The following ABCC6 variants were observed in gnomAD, a reference collection of about 807,000 sequenced individuals.
ABCC6 encodes ATP-binding cassette sub-family C member 6.
In ABCC6, 126 loss-of-function variants were observed where a neutral mutation model predicts 169.5. That is an observed-to-expected ratio of 0.74 (90% CI 0.64 to 0.86). The LOEUF is 0.86. Ranked by LOEUF, ABCC6 falls within the 40% of genes least tolerant of loss-of-function variation. The probability of loss-of-function intolerance (pLI) is 0.00; values close to 1 mark genes in which losing one functional copy is unlikely to be tolerated. For synonymous variants in ABCC6, 752 were observed against 814.7 expected (o/e 0.92, Z 1.31); for missense variants, 1,733 against 1,927.2 (o/e 0.90, Z 1.89).
chr16:16,187,834 A>G (rs2047697838), intron 13 of ABCC6, among the ~76,000 whole-genome samples: 3 of 152,108 alleles, frequency 2.0e-5, no homozygotes, highest in Non-Finnish European at 2.9e-5. Context: ...GAGTTTGAGC[A>G]TGCAGTGAGC....
At chr16:16,182,266 C>A in intron 17 of ABCC6, 146 bp downstream of exon 17, 2 of 992,886 alleles carry the variant, frequency 2.0e-6, no homozygotes, top group Non-Finnish European at 3.2e-6. Context: ...CTAGCACGTG[C>A]TTGACGCTGA....
intron 16 of ABCC6, 70 bp from the exon 17 acceptor site, chr16:16,182,658 T>C: frequency 6.3e-6 from 10 of 1,577,104 alleles, no homozygotes; most frequent in East Asian, 2.3e-5. Context: ...TGAGGAGCAG[T>C]GGGAGCTGGG....
chr16:16,173,101 A>G (rs2152242881), intron 21 of ABCC6, 183 bp downstream of exon 21: 1 of 701,874 alleles, frequency 1.4e-6, no homozygotes, highest in South Asian at 1.9e-5. Context: ...AAATAGACCT[A>G]TCATATCTAT....
intron 6 of ABCC6, among the ~76,000 whole-genome samples, chr16:16,210,196 G>A (rs1158271662): frequency 1.3e-5 from 2 of 151,906 alleles, no homozygotes; most frequent in African/African-American, 2.4e-5. Context: ...GAGTGCACTG[G>A]TGTGATCTCG....
Position 16,199,632 on chromosome 16 carries a change from T to A in ABCC6, c.1177-1450A>T, listed in dbSNP as rs528377400. 1.3e-4 allele frequency among the ~76,000 whole-genome samples: 17 copies of A among 127,464 alleles called. 4 individuals carry two copies. The Admixed American group carries it at 1.4e-3, about 10-fold the overall frequency. The allele number at this position is 127,464 out of a possible 152,430, so 83.6% of individuals were successfully genotyped here. On this transcript the variant is annotated intron_variant, in intron 9 of 30. Coordinates refer to ENST00000205557, the MANE Select transcript of ABCC6 (RefSeq NM_001171.6). Reference sequence around the variant, plus strand: ...CAGGAATGACTGGACATAGAAATTCTCCACTTAGCAAGTCTTTGAAGAGTG... The same window carrying A: ...CAGGAATGACTGGACATAGAAATTCACCACTTAGCAAGTCTTTGAAGAGTG...
At chr16:16,153,565 A>G (rs568454616) in intron 29 of ABCC6, among the ~76,000 whole-genome samples, 155 of 152,228 alleles carry the variant, frequency 1.0e-3, no homozygotes, top group Non-Finnish European at 1.8e-3. Context: ...TCATGGGTAC[A>G]GAGTTGTAGT....
chr16:16,160,763 C>T (rs1244936130), intron 25 of ABCC6, among the ~76,000 whole-genome samples: 5 of 151,644 alleles, frequency 3.3e-5, no homozygotes, highest in East Asian at 1.9e-4. Context: ...CAAGATCATG[C>T]CACTGCACTC....
At chr16:16,185,113 C>A (rs1264408290) in intron 14 of ABCC6, 79 bp from the exon 15 acceptor site, 9 of 1,301,430 alleles carry the variant, frequency 6.9e-6, no homozygotes, top group Middle Eastern at 2.2e-4. Flanking sequence ...CAGGCACCAT[C>A]CCCCGCCCCC....
At chr16:16,208,207 C>G (rs1467350942) in intron 7 of ABCC6, among the ~76,000 whole-genome samples, 1 of 152,092 alleles carries the variant, frequency 6.6e-6, no homozygotes, top group African/African-American at 2.4e-5. Flanking sequence ...TTTGTAGGAA[C>G]CTGTGATGCG....
rs371480297 is a variant in ABCC6 at position 16,203,568 on chromosome 16, C to G, written c.840G>C (p.Met280Ile). The change falls in exon 8 of 31, where the codon ATG becomes ATC. Residue 280 changes from methionine (M) to isoleucine (I), a missense_variant. Around this residue, in one of 5 missense-constraint regions of ABCC6, gnomAD observed 1,601 missense variants for 1,635.5 expected, o/e 0.98. Transcript: ENST00000205557. ...GGAAGGGCTCGGTCTCTGGAGCCTT[C>G]ATGCCACTGCCGCCTTTCCTTTTAA... is the stretch of plus-strand genomic sequence containing the variant. Reference protein sequence around the residue: ...IAFKRKGGSGMKAPETEPFLR... With the variant: ...IAFKRKGGSGIKAPETEPFLR... 20 of 1,613,940 alleles carry G rather than the reference C, an allele frequency of 1.2e-5. No individual in the cohort carries two copies. The African/African-American group carries it at 2.1e-4, about 17-fold the overall frequency.
rs9940089 is a variant in ABCC6 at position 16,198,014 on chromosome 16, G to C, written c.1338+7C>G. 1,257,962 of 1,612,304 alleles carry C rather than the reference G, an allele frequency of 0.78. 492,567 individuals carry two copies. The highest frequency in any genetic ancestry group is 0.93 in the East Asian group (41,699 of 44,762). Reference sequence around the variant, plus strand: ...CGTTCAAATCCCGTCTTCCTCCTCTGGCATACCTGCCAGAGATAGACGAAG... The same window carrying C: ...CGTTCAAATCCCGTCTTCCTCCTCTCGCATACCTGCCAGAGATAGACGAAG... On this transcript the variant is annotated splice_region_variant and intron_variant, in intron 10 of 30. Transcript: ENST00000205557.
chr16:16,164,146 G>A (rs565527425), intron 23 of ABCC6, among the ~76,000 whole-genome samples: 5 of 152,134 alleles, frequency 3.3e-5, no homozygotes, highest in Middle Eastern at 3.4e-3. Context: ...CAATCCTCCC[G>A]CCTCATCCTC....
chr16:16,210,987 C>G (rs1481191731), intron 6 of ABCC6, among the ~76,000 whole-genome samples: 4 of 151,876 alleles, frequency 2.6e-5, no homozygotes, highest in African/African-American at 9.7e-5. Flanking sequence ...CCCAGCTGCT[C>G]GGGAGGCTGA....
intron 6 of ABCC6, among the ~76,000 whole-genome samples, chr16:16,209,978 G>A (rs1382046540): frequency 2.0e-5 from 3 of 152,024 alleles, no homozygotes; most frequent in Non-Finnish European, 4.4e-5. Context: ...TGATCTGTCA[G>A]GGTTGGCCTT....
chr16:16,184,934 G>A (rs2047599144), intron 15 of ABCC6, 25 bp downstream of exon 15: 12 of 1,602,056 alleles, frequency 7.5e-6, no homozygotes, highest in African/African-American at 1.3e-5. Context: ...ACATGAGGCT[G>A]GTTACTACGG....
At chr16:16,187,903 TAAATTAAATAAATAA>T (rs1221709567) in intron 13 of ABCC6, among the ~76,000 whole-genome samples, 4 of 81,998 alleles carry the variant, frequency 4.9e-5, no homozygotes, top group Non-Finnish European at 8.2e-5. Context: ...TCTCAATAAA[TAAATTAAATAAATAA>T]ATAAATAAAT....
intron 21 of ABCC6, among the ~76,000 whole-genome samples, chr16:16,171,450 T>C (rs2047063168): frequency 6.6e-6 from 1 of 152,208 alleles, no homozygotes; most frequent in African/African-American, 2.4e-5. Context: ...AATTATTTAC[T>C]CTCCGTCTAT....
chr16:16,160,415 T>A (rs146312803), intron 25 of ABCC6, among the ~76,000 whole-genome samples: 1 of 152,006 alleles, frequency 6.6e-6, no homozygotes, highest in East Asian at 1.9e-4. Context: ...AGCAGGAAGA[T>A]TGTTTGAACC....
Position 16,208,650 on chromosome 16 carries a change from T to G in ABCC6, c.794+78A>C, listed in dbSNP as rs547490399. 351 of 1,610,006 alleles carry G rather than the reference T, an allele frequency of 2.2e-4. No individual in the cohort carries two copies. The African/African-American group carries it at 3.3e-3, about 15-fold the overall frequency. Reference sequence around the variant, plus strand: ...GCCTCCCAAAATGCCGGGATTACAGTCGTGAGCCACCGCACCCGGCCAATG... The same window carrying G: ...GCCTCCCAAAATGCCGGGATTACAGGCGTGAGCCACCGCACCCGGCCAATG... On this transcript the variant is annotated intron_variant, in intron 7 of 30. Coordinates refer to ENST00000205557, the MANE Select transcript of ABCC6 (RefSeq NM_001171.6).
Sources: allele counts gnomAD v4.1 joint callset (sites outside exome capture counted in the v4.1 genomes callset), GRCh38; gene constraint gnomAD v4.1.1; regional missense constraint gnomAD v4.1.1; transcripts MANE v1.5; gene names NCBI Gene and HGNC (gene_info 2026-07-23, HGNC 2026-07-21).